ROBO2: variants seen among roughly 807,000 people sequenced by gnomAD.
The protein encoded by ROBO2 is roundabout guidance receptor 2.
ROBO2 carries 53 observed loss-of-function variants against 160.8 expected under a neutral mutation model. The observed-to-expected ratio is 0.33, with a 90% CI of 0.26 to 0.41. ROBO2 has a LOEUF of 0.41. Among genes scored for constraint, ROBO2 ranks in the 10% least tolerant of loss-of-function variants. ROBO2 has a pLI of 1.00. For missense variants in ROBO2, 1,577 were observed against 1,722.4 expected (o/e 0.92, Z 1.49); for synonymous variants, 664 against 611.7 (o/e 1.09, Z -1.26).
chr3:76,711,782 TC>T (rs2093299261), intron 2 of ROBO2, among the ~76,000 whole-genome samples: 2 of 152,216 alleles, frequency 1.3e-5, no homozygotes, highest in Non-Finnish European at 2.9e-5. Context: ...TTTTTCTGCT[TC>T]ACGCTTTGAC....
chr3:76,365,821 C>T (rs867298633), intron 2 of ROBO2, among the ~76,000 whole-genome samples: 8 of 149,660 alleles, frequency 5.3e-5, no homozygotes, highest in African/African-American at 1.2e-4. Context: ...TTGTTATTAA[C>T]GACCAACATA....
intron 2 of ROBO2, among the ~76,000 whole-genome samples, chr3:76,323,138 T>TACACACACACAC (rs71874425): frequency 0.014 from 2,037 of 144,012 alleles, 30 homozygotes; most frequent in African/African-American, 0.021. Context: ...TTGTTAGTAT[T>TACACACACACAC]ACACACACAC....
At chr3:76,679,123 A>C (rs565454367) in intron 2 of ROBO2, among the ~76,000 whole-genome samples, 113 of 152,230 alleles carry the variant, frequency 7.4e-4, no homozygotes, top group Non-Finnish European at 1.4e-3. Context: ...TGACTTCAAA[A>C]ATTTTGGCTT....
chr3:77,212,894 T>C (rs552613024), intron 2 of ROBO2, among the ~76,000 whole-genome samples: 187 of 152,338 alleles, frequency 1.2e-3, no homozygotes, highest in African/African-American at 4.4e-3. Context: ...TTTGCATATG[T>C]TGAACCAGCC....
At chr3:76,502,952 T>C (rs1429698586) in intron 2 of ROBO2, among the ~76,000 whole-genome samples, 3 of 152,086 alleles carry the variant, frequency 2.0e-5, no homozygotes, top group Non-Finnish European at 2.9e-5. Context: ...AACCATGTAG[T>C]AGTCAGGGTT....
intron 2 of ROBO2, among the ~76,000 whole-genome samples, chr3:77,174,311 T>C (rs527550142): frequency 6.6e-6 from 1 of 152,108 alleles, no homozygotes; most frequent in Non-Finnish European, 1.5e-5. Flanking sequence ...GATTAAAATG[T>C]TTTGAGATTT....
At chr3:77,227,558 G>T (rs577262144) in intron 2 of ROBO2, among the ~76,000 whole-genome samples, 2 of 152,292 alleles carry the variant, frequency 1.3e-5, no homozygotes, top group East Asian at 3.9e-4. Context: ...TCTAAGGAAA[G>T]AACAAGTTAA....
intron 2 of ROBO2, among the ~76,000 whole-genome samples, chr3:76,036,538 C>G (rs1364471819): frequency 1.3e-5 from 2 of 151,048 alleles, no homozygotes; most frequent in Non-Finnish European, 2.9e-5. Context: ...GAGTTTCACT[C>G]TTGTTGCCCA....
At chr3:76,252,721 C>T (rs977125091) in intron 2 of ROBO2, among the ~76,000 whole-genome samples, 1 of 151,062 alleles carries the variant, frequency 6.6e-6, no homozygotes, top group Non-Finnish European at 1.5e-5. Context: ...TACACACACT[C>T]ACATATATAC....
intron 2 of ROBO2, among the ~76,000 whole-genome samples, chr3:77,417,068 G>A (rs909140194): frequency 6.6e-5 from 10 of 151,958 alleles, no homozygotes; most frequent in Non-Finnish European, 1.2e-4. Context: ...TTTAATGAAC[G>A]TTGAATCTAT....
chr3:77,609,679 T>C lies in ROBO2; in HGVS notation c.3293+1725T>C, dbSNP rs979214397. 2.6e-5 allele frequency among the ~76,000 whole-genome samples: 4 copies of C among 151,656 alleles called. No homozygotes were observed. The South Asian group carries it at 8.3e-4, about 31-fold the overall frequency. On this transcript the variant is annotated intron_variant, in intron 21 of 25. Coordinates refer to ENST00000461745, the Ensembl canonical transcript of ROBO2. ...TTATCTTGCAGTAGAATTGAAAATATTCATGAAATAGTAGATGGTGCAAAT... is the reference window on the plus strand; with the variant it reads ...TTATCTTGCAGTAGAATTGAAAATACTCATGAAATAGTAGATGGTGCAAAT...
intron 2 of ROBO2, among the ~76,000 whole-genome samples, chr3:76,219,716 T>G (rs897075528): frequency 6.6e-6 from 1 of 152,206 alleles, no homozygotes; most frequent in African/African-American, 2.4e-5. Context: ...GGAACACTTT[T>G]ACACTGTTCG....
intron 5 of ROBO2, among the ~76,000 whole-genome samples, chr3:77,506,376 A>G (rs907321059): frequency 6.6e-6 from 1 of 152,116 alleles, no homozygotes; most frequent in Non-Finnish European, 1.5e-5. Flanking sequence ...CATCATTATT[A>G]TAATTATTTC....
At chr3:76,616,849 C>T (rs1372092835) in intron 2 of ROBO2, among the ~76,000 whole-genome samples, 1 of 152,074 alleles carries the variant, frequency 6.6e-6, no homozygotes, top group South Asian at 2.1e-4. Context: ...ACAGCTCAAA[C>T]TCCGGGGCCC....
chr3:76,544,978 T>G (rs558952777), intron 2 of ROBO2, among the ~76,000 whole-genome samples: 7 of 151,998 alleles, frequency 4.6e-5, no homozygotes, highest in Admixed American at 1.3e-4. Flanking sequence ...TTCCCCTCCA[T>G]CATATCCCAC....
chr3:76,812,230 T>C (rs996568945), intron 2 of ROBO2, among the ~76,000 whole-genome samples: 89 of 151,486 alleles, frequency 5.9e-4, no homozygotes, highest in African/African-American at 2.1e-3. Context: ...CCTAAACTGC[T>C]AAATTTATTT....
chr3:76,685,224 C>G (rs2092660484), intron 2 of ROBO2, among the ~76,000 whole-genome samples: 1 of 142,938 alleles, frequency 7.0e-6, no homozygotes, highest in African/African-American at 2.6e-5. Context: ...GTAATTTCAG[C>G]TTAATGAGTA....
intron 2 of ROBO2, among the ~76,000 whole-genome samples, chr3:76,644,078 C>T (rs956081276): frequency 2.5e-4 from 38 of 152,284 alleles, no homozygotes; most frequent in African/African-American, 8.9e-4. Context: ...TGACACTACT[C>T]ACCTTATCTT....
Position 75,981,601 on chromosome 3 carries a change from T to A in ROBO2, c.109+43999T>A, listed in dbSNP as rs975976319. ...GTAACAAACTGTAATATAAAATTAT[T>A]TAAATTGTTTTTTATTTTTATTATT... On this transcript the variant is annotated intron_variant, in intron 2 of 26. Transcript: ENST00000487694. Among the ~76,000 whole-genome samples the A allele has an allele frequency of 1.1e-4, 17 of 151,242 alleles. No homozygotes were observed. In the East Asian group the frequency reaches 2.7e-3, roughly 24 times the overall value.
Sources: gnomAD v4.1 joint callset for allele counts (sites outside exome capture counted in the v4.1 genomes callset) on GRCh38, gnomAD v4.1.1 for gene constraint, MANE v1.5 for transcripts, NCBI Gene and HGNC (gene_info 2026-07-23, HGNC 2026-07-21) for gene names.